The following RBFOX1 variants were observed in gnomAD, a reference collection of about 807,000 sequenced individuals.
RBFOX1 encodes RNA binding protein fox-1 homolog 1.
A neutral mutation model predicts 57.7 loss-of-function variants in RBFOX1; 8 were observed. The observed-to-expected ratio is 0.14, with a 90% CI of 0.08 to 0.25. RBFOX1 has a LOEUF of 0.25. Ranked by LOEUF, RBFOX1 falls within the 10% of genes least tolerant of loss-of-function variation. The pLI is 1.00. For synonymous variants in RBFOX1, 326 were observed against 222.4 expected, an observed-to-expected ratio of 1.47 and a Z score of -4.15; for missense variants, 611 against 548.5, an observed-to-expected ratio of 1.11 and a Z score of -1.14.
downstream of RBFOX1, among the ~76,000 whole-genome samples, chr16:5,602,215 C>G (rs889783671): frequency 6.6e-6 from 1 of 152,186 alleles, no homozygotes; most frequent in East Asian, 1.9e-4. Flanking sequence ...TTGGCCTGAC[C>G]ATCTCTGGAT....
At chr16:7,505,906 C>G (rs566546728) in intron 4 of RBFOX1, among the ~76,000 whole-genome samples, 2 of 152,228 alleles carry the variant, frequency 1.3e-5, no homozygotes, top group South Asian at 4.1e-4. Flanking sequence ...AATTTTCTGG[C>G]CAGGTGCAGT....
At chr16:6,529,080 G>A (rs940020657) in intron 2 of RBFOX1, among the ~76,000 whole-genome samples, 8 of 151,952 alleles carry the variant, frequency 5.3e-5, no homozygotes, top group African/African-American at 9.7e-5. Context: ...CTTGTAAACC[G>A]CCCCCAAATT....
At chr16:6,021,869 C>G (rs894988088) in intron 1 of RBFOX1, among the ~76,000 whole-genome samples, 3 of 152,168 alleles carry the variant, frequency 2.0e-5, no homozygotes, top group African/African-American at 7.2e-5. Context: ...AAGCACTAAA[C>G]ATTTAGAACA....
chr16:6,393,773 G>C (rs749119037), intron 2 of RBFOX1, among the ~76,000 whole-genome samples: 3 of 152,142 alleles, frequency 2.0e-5, no homozygotes, highest in Non-Finnish European at 4.4e-5. Context: ...TGTTATGTTA[G>C]AGGTCCAAAT....
intron 3 of RBFOX1, among the ~76,000 whole-genome samples, chr16:6,976,205 C>G (rs1056201952): frequency 6.6e-6 from 1 of 152,112 alleles, no homozygotes; most frequent in Non-Finnish European, 1.5e-5. Context: ...TACAAGAGTT[C>G]TTATATGAGC....
intron 1 of RBFOX1, among the ~76,000 whole-genome samples, chr16:6,050,829 A>C (rs1182029647): frequency 6.6e-6 from 1 of 151,784 alleles, no homozygotes; most frequent in Non-Finnish European, 1.5e-5. Flanking sequence ...TGCATACTCT[A>C]GTGACTGGAA....
At chr16:5,827,483 T>C (rs566323817) in intron 3 of RBFOX1, among the ~76,000 whole-genome samples, 19 of 150,962 alleles carry the variant, frequency 1.3e-4, no homozygotes, top group African/African-American at 4.6e-4. Context: ...TGAAGACAAC[T>C]CTCTATGCAC....
At chr16:7,294,284 C>G (rs2095849263) in intron 4 of RBFOX1, among the ~76,000 whole-genome samples, 1 of 152,086 alleles carries the variant, frequency 6.6e-6, no homozygotes, top group Non-Finnish European at 1.5e-5. Flanking sequence ...AAACAGACTC[C>G]CACCCTCTCA....
intron 2 of RBFOX1, among the ~76,000 whole-genome samples, chr16:5,551,772 T>G (rs2045474435): frequency 6.6e-6 from 1 of 152,062 alleles, no homozygotes; most frequent in South Asian, 2.1e-4. Flanking sequence ...GTATTTCTCC[T>G]AAAGCTGTCC....
chr16:5,502,620 G>T (rs927194312), intron 2 of RBFOX1, among the ~76,000 whole-genome samples: 11 of 152,202 alleles, frequency 7.2e-5, no homozygotes, highest in Non-Finnish European at 1.5e-4. Flanking sequence ...CAGGTCCAAG[G>T]CGCCTCCAGC....
chr16:6,023,974 C>G (rs566191426), intron 1 of RBFOX1, among the ~76,000 whole-genome samples: 1 of 152,304 alleles, frequency 6.6e-6, no homozygotes, highest in East Asian at 1.9e-4. Context: ...ATGATGTCAA[C>G]TGTGAACACA....
At chr16:7,320,665 G>A (rs1376359307) in intron 4 of RBFOX1, among the ~76,000 whole-genome samples, 1 of 152,168 alleles carries the variant, frequency 6.6e-6, no homozygotes, top group Non-Finnish European at 1.5e-5. Flanking sequence ...AAGGTCAGTC[G>A]GTAGTAAGTG....
At chr16:5,523,817 G>C (rs1333398144) in intron 2 of RBFOX1, among the ~76,000 whole-genome samples, 1 of 152,138 alleles carries the variant, frequency 6.6e-6, no homozygotes, top group African/African-American at 2.4e-5. Context: ...TTTGGAAGTA[G>C]GAAGAGAACA....
In RBFOX1 at chr16:7,259,492, A is replaced by G. The variant is rs551960029; in HGVS notation, c.27+207394A>G. 5.3e-5 allele frequency among the ~76,000 whole-genome samples: 8 copies of G among 152,268 alleles called. No homozygotes were observed. The South Asian group carries it at 1.7e-3, about 32-fold the overall frequency. On this transcript the variant is annotated intron_variant, in intron 4 of 15. Coordinates refer to ENST00000550418, the MANE Select transcript of RBFOX1 (RefSeq NM_018723.4). ...GCCATTTGCATTTAATGGTGATACA[A>G]ATACTGCTTTGAACACTGGGAACAT...
intron 3 of RBFOX1, among the ~76,000 whole-genome samples, chr16:6,776,410 C>T (rs368569211): frequency 2.7e-4 from 38 of 141,592 alleles, no homozygotes; most frequent in Admixed American, 5.3e-4. Flanking sequence ...GACTCCACCT[C>T]GGAAAAAAAC....
chr16:5,696,000 G>T (rs1011537192), intron 3 of RBFOX1, among the ~76,000 whole-genome samples: 7 of 152,186 alleles, frequency 4.6e-5, no homozygotes, highest in African/African-American at 1.7e-4. Context: ...TAGGGAATAT[G>T]AGGATTAGAG....
At position 5,523,093 on chromosome 16, in the gene RBFOX1, C is replaced by T. The variant is rs183287384; in HGVS notation, c.258+55839C>T. Among the ~76,000 whole-genome samples the T allele has an allele frequency of 4.6e-5, 7 of 152,178 alleles. No individual in the cohort carries two copies. The East Asian group carries it at 1.4e-3, about 29-fold the overall frequency. ...ACAAGGTCAGGAGTTCGAGACTAGC[C>T]TGGCCAATATGGTGCAATCCCATGT... is the stretch of plus-strand genomic sequence containing the variant. On this transcript the variant is annotated intron_variant, in intron 2 of 2. Coordinates refer to the RBFOX1 transcript ENST00000585867.
At chr16:7,672,520 C>T (rs1017019268) in intron 13 of RBFOX1, among the ~76,000 whole-genome samples, 2 of 152,098 alleles carry the variant, frequency 1.3e-5, no homozygotes, top group Admixed American at 6.6e-5. Context: ...GATGAACTTT[C>T]ACTGTCACAT....
chr16:6,530,527 G>C (rs1044178170), intron 2 of RBFOX1, among the ~76,000 whole-genome samples: 4 of 152,134 alleles, frequency 2.6e-5, no homozygotes, highest in East Asian at 1.9e-4. Context: ...TAGACATGCA[G>C]GGGCTTCTTT....
Sources: gnomAD v4.1 joint callset for allele counts (sites outside exome capture counted in the v4.1 genomes callset) on GRCh38, gnomAD v4.1.1 for gene constraint, MANE v1.5 for transcripts, NCBI Gene and HGNC (gene_info 2026-07-23, HGNC 2026-07-21) for gene names.